Variants in PAX5 observed in about 807,000 individuals in gnomAD.
PAX5 encodes paired box 5, also known as paired box protein Pax-5.
PAX5 carries 9 observed loss-of-function variants against 43.7 expected under a neutral mutation model. The ratio of observed to expected loss-of-function variants is 0.21; its 90% confidence interval spans 0.12 to 0.36. PAX5 has a LOEUF of 0.36. Ranked by LOEUF, PAX5 falls within the 10% of genes least tolerant of loss-of-function variation. PAX5 has a pLI of 1.00. For missense variants in PAX5, 383 were observed against 532.7 expected (o/e 0.72, Z 2.77); for synonymous variants, 228 against 214.3 (o/e 1.06, Z -0.56).
chr9:37,001,952 G>GT (rs1837906310), intron 5 of PAX5, among the ~76,000 whole-genome samples: 1 of 151,822 alleles, frequency 6.6e-6, no homozygotes, highest in African/African-American at 2.4e-5. Flanking sequence ...AAGGTGTCCG[G>GT]TGTCCAGGAT....
chr9:36,961,848 G>A (rs904859485), intron 6 of PAX5, among the ~76,000 whole-genome samples: 2 of 152,044 alleles, frequency 1.3e-5, no homozygotes, highest in African/African-American at 4.8e-5. Flanking sequence ...ACACACACTC[G>A]CCACCAGCAG....
intron 9 of PAX5, among the ~76,000 whole-genome samples, 187 bp downstream of exon 9, chr9:36,846,656 C>T (rs1822603179): frequency 6.6e-6 from 1 of 152,162 alleles, no homozygotes. Context: ...AGGGCATGAG[C>T]AGGGCTGGAG....
At chr9:36,869,873 T>TGGAG (rs35083198) in intron 8 of PAX5, among the ~76,000 whole-genome samples, 1 of 103,078 alleles carries the variant, frequency 9.7e-6, no homozygotes, top group African/African-American at 3.9e-5. Context: ...GATGGATGGA[T>TGGAG]AAATGGATGG....
intron 7 of PAX5, among the ~76,000 whole-genome samples, chr9:36,900,175 T>A (rs1219437404): frequency 2.0e-5 from 3 of 152,244 alleles, no homozygotes; most frequent in Non-Finnish European, 4.4e-5. Flanking sequence ...AGAGACGTGA[T>A]TTCCCAGCCT....
At chr9:36,998,346 AGTTT>A (rs1309897238) in intron 5 of PAX5, among the ~76,000 whole-genome samples, 2 of 152,220 alleles carry the variant, frequency 1.3e-5, no homozygotes, top group Admixed American at 6.5e-5. Context: ...TATTCTAGTT[AGTTT>A]GTTTGTCTTT....
rs75894354 is a variant in PAX5 at position 37,028,949 on chromosome 9, C to T, written c.46+5037G>A. ...TGAGACAACAATCAAAGAAACTGGACCTTGAAAAGGAAGCGTGTGACAGTC... is the reference window on the plus strand; with the variant it reads ...TGAGACAACAATCAAAGAAACTGGATCTTGAAAAGGAAGCGTGTGACAGTC... On this transcript the variant is annotated intron_variant, in intron 1 of 9. Transcript: ENST00000358127. Among the ~76,000 whole-genome samples, 258 of 152,284 alleles carry T rather than the reference C, an allele frequency of 1.7e-3. 1 individual carries two copies. The highest frequency in any genetic ancestry group is 5.8e-3 in the African/African-American group (241 of 41,560).
chr9:36,911,838 A>G (rs1829320873), intron 7 of PAX5, among the ~76,000 whole-genome samples: 1 of 152,224 alleles, frequency 6.6e-6, no homozygotes, highest in African/African-American at 2.4e-5. Context: ...AAAGCCACTC[A>G]GCCCAGCAGA....
chr9:37,024,244 C>G (rs1840108070), intron 1 of PAX5, among the ~76,000 whole-genome samples: 1 of 152,154 alleles, frequency 6.6e-6, no homozygotes, highest in Non-Finnish European at 1.5e-5. Flanking sequence ...GGTTATCGTG[C>G]TGATGAAAAT....
chr9:36,933,801 C>T (rs1831322154), intron 6 of PAX5, among the ~76,000 whole-genome samples: 1 of 152,196 alleles, frequency 6.6e-6, no homozygotes, highest in South Asian at 2.1e-4. Context: ...GATGGGGTGG[C>T]AAGGGACCTG....
At chr9:36,931,256 G>A (rs538548045) in intron 6 of PAX5, among the ~76,000 whole-genome samples, 54 of 152,356 alleles carry the variant, frequency 3.5e-4, no homozygotes, top group Admixed American at 3.9e-4. Flanking sequence ...TGGCTCCAGC[G>A]ACTGAGGCTG....
At chr9:37,001,694 C>T (rs1000911182) in intron 5 of PAX5, among the ~76,000 whole-genome samples, 3 of 151,992 alleles carry the variant, frequency 2.0e-5, no homozygotes, top group Non-Finnish European at 4.4e-5. Context: ...TAGGCATGTG[C>T]TCATGAGAAC....
chr9:36,868,251 G>T (rs1458544906), intron 8 of PAX5, among the ~76,000 whole-genome samples: 1 of 152,214 alleles, frequency 6.6e-6, no homozygotes, highest in African/African-American at 2.4e-5. Context: ...ACTCTGGACC[G>T]GGCAAGATGG....
chr9:36,880,555 CATT>C (rs1463527085), intron 8 of PAX5, among the ~76,000 whole-genome samples: 1 of 152,194 alleles, frequency 6.6e-6, no homozygotes, highest in African/African-American at 2.4e-5. Flanking sequence ...TTATTTATTA[CATT>C]ATTATTTTTA....
rs1051889408 is a variant in PAX5, at chr9:36,874,743, C to T, written c.1012+7261G>A. On this transcript the variant is annotated intron_variant, in intron 8 of 9. Coordinates refer to ENST00000358127, the MANE Select transcript of PAX5 (RefSeq NM_016734.3). ...CTGGATTCTTCTCTAGTTGGCTTTC[C>T]CATTGATCCACAGGCTCCAGGAGGT... 3.3e-5 allele frequency among the ~76,000 whole-genome samples: 5 copies of T among 152,164 alleles called. No individual in the cohort carries two copies. In the East Asian group the frequency reaches 5.8e-4, roughly 18 times the overall value.
At position 36,837,618 on chromosome 9, in the gene PAX5, G is replaced by A. The variant is rs1821731053; in HGVS notation, c.*2942C>T. 8.6e-6 allele frequency: 2 copies of A among 233,242 alleles called. No individual in the cohort carries two copies. The highest frequency in any genetic ancestry group is 1.7e-5 in the Non-Finnish European group (2 of 118,086). 14.4% of individuals were successfully genotyped at this position (233,242 alleles called of 1,614,324 possible). A position where few individuals can be genotyped will look rare whatever the true frequency, so the allele number is the denominator to read the frequency against. On this transcript the variant is annotated 3_prime_UTR_variant, in exon 10 of 10. Coordinates refer to ENST00000358127, the MANE Select transcript of PAX5 (RefSeq NM_016734.3). ...CCCAGGCAGCTCCGCTGGACCACGA[G>A]GTGCTGTGAATTGGTGAGAGCGGGC... is the stretch of plus-strand genomic sequence containing the variant.
rs373626712 is a variant in PAX5 at position 36,835,778 on chromosome 9, A to T, written c.*4782T>A. 54 of 233,260 alleles carry T rather than the reference A, an allele frequency of 2.3e-4. No homozygotes were observed. Among genetic ancestry groups the T allele is most frequent in the Middle Eastern group, 1.3e-3 (1 of 786 alleles). The allele number at this position is 233,260 out of a possible 1,614,324, so 14.4% of individuals were successfully genotyped here. Reference sequence around the variant, plus strand: ...CCTCTCGATGGGTGACAAGGCCAAGACTGCAGAACTGGCCTCGTAGTGGGG... The same window carrying T: ...CCTCTCGATGGGTGACAAGGCCAAGTCTGCAGAACTGGCCTCGTAGTGGGG... On this transcript the variant is annotated 3_prime_UTR_variant, in exon 10 of 10. Coordinates refer to ENST00000358127, the MANE Select transcript of PAX5 (RefSeq NM_016734.3).
At position 36,904,930 on chromosome 9, in the gene PAX5, G is replaced by T. The variant is rs1587928025; in HGVS notation, c.910+18425C>A. ...GAAGGCAGAGACAATTCAGAATCTT[G>T]TAGACTAAGAAGAAAGTTAGGCTGG... is the stretch of plus-strand genomic sequence containing the variant. On this transcript the variant is annotated intron_variant, in intron 7 of 9. Coordinates refer to ENST00000358127, the MANE Select transcript of PAX5 (RefSeq NM_016734.3). Among the ~76,000 whole-genome samples the T allele has an allele frequency of 2.0e-5, 3 of 152,306 alleles. No individual in the cohort carries two copies. In the East Asian group the frequency reaches 5.8e-4, roughly 29 times the overall value.
At chr9:37,020,891 C>A (rs990508507) in intron 1 of PAX5, 90 bp from the exon 2 acceptor site, 2 of 1,406,874 alleles carry the variant, frequency 1.4e-6, no homozygotes, top group African/African-American at 2.8e-5. Context: ...CAGAGCCCCT[C>A]TGATCACAAA....
intron 7 of PAX5, among the ~76,000 whole-genome samples, chr9:36,883,286 CAGA>C (rs1336585906): frequency 6.6e-6 from 1 of 152,140 alleles, no homozygotes; most frequent in Non-Finnish European, 1.5e-5. Context: ...AGCAAATGTT[CAGA>C]AGATCAGTGC....
Sources: allele counts gnomAD v4.1 joint callset (sites outside exome capture counted in the v4.1 genomes callset), GRCh38; gene constraint gnomAD v4.1.1; transcripts MANE v1.5; gene names NCBI Gene and HGNC (gene_info 2026-07-23, HGNC 2026-07-21).